The following ZNF429 variants were observed in gnomAD, a reference collection of about 807,000 sequenced individuals.
ZNF429 encodes the protein zinc finger protein 429.
In ZNF429, 53 loss-of-function variants were observed where a neutral mutation model predicts 56.8. The ratio of observed to expected loss-of-function variants is 0.93; its 90% CI spans 0.75 to 1.17. The LOEUF is 1.17. Ranked by LOEUF, ZNF429 falls within the 50% of genes most tolerant of loss-of-function variation. ZNF429 has a pLI of 0.00. For missense variants in ZNF429, 849 were observed against 788.4 expected, an observed-to-expected ratio of 1.08 and a Z score of -0.92; for synonymous variants, 278 against 264.7, an observed-to-expected ratio of 1.05 and a Z score of -0.49.
At chr19:21,529,807 A>T in intron 2 of ZNF429, 23 bp downstream of exon 2, 2 of 1,405,702 alleles carry the variant, frequency 1.4e-6, no homozygotes, top group Non-Finnish European at 2.0e-6. Context: ...TCAATACAAC[A>T]TTCCTAATAT....
rs532407132 is a variant in ZNF429, at chr19:21,530,678, C to T, written c.220C>T (p.Pro74Ser). Residue 74 changes from proline (P) to serine (S), a missense_variant, in exon 3 of 4, where the codon CCC (proline) becomes TCC (serine). Transcript: ENST00000358491. ...GAAGCGACATGAAATGGTGGATGAA[C>T]CCCCAGGTAGGTGAGAGTGAACACA... Reference protein sequence around the residue: ...KMKRHEMVDEPPVVCSHFAED... With the variant: ...KMKRHEMVDESPVVCSHFAED... 9.3e-6 allele frequency: 15 copies of T among 1,606,196 alleles called. No homozygotes were observed. The highest frequency in any genetic ancestry group is 1.2e-5 in the Non-Finnish European group (14 of 1,175,294).
At chr19:21,517,796 C>CTT (rs777982396) in intron 1 of ZNF429, among the ~76,000 whole-genome samples, 3,032 of 106,386 alleles carry the variant, frequency 0.029, 127 homozygotes, top group African/African-American at 0.093. Flanking sequence ...TTGTCATTTC[C>CTT]TTTTTTTTTT....
At chr19:21,534,870 C>G in intron 3 of ZNF429, among the ~76,000 whole-genome samples, 4 of 149,570 alleles carry the variant, frequency 2.7e-5, no homozygotes, top group African/African-American at 9.9e-5. Flanking sequence ...AGTGCAGTGG[C>G]GTGATCTCGG....
Position 21,536,670 on chromosome 19 carries a change from T to A in ZNF429, c.617T>A (p.Phe206Tyr), listed in dbSNP as rs373059676. The A allele has an allele frequency of 6.2e-7, 1 of 1,613,846 alleles. No homozygotes were observed. Among genetic ancestry groups the A allele is most frequent in the Non-Finnish European group, 8.5e-7 (1 of 1,179,898 alleles). ...GAGAATACCTACAGATGTAAAGAATTTGGCAATGCCTTTAATCAGTCCTCA... is the reference window on the plus strand; with the variant it reads ...GAGAATACCTACAGATGTAAAGAATATGGCAATGCCTTTAATCAGTCCTCA... ...IRENTYRCKE[F>Y]GNAFNQSSAL... The change falls in exon 4 of 4, where the codon TTT becomes TAT. Residue 206 changes from phenylalanine (F) to tyrosine (Y), a missense_variant. Coordinates refer to ENST00000358491, the MANE Select transcript of ZNF429 (RefSeq NM_001001415.4).
rs1386924412 is a variant in ZNF429 at position 21,539,068 on chromosome 19, C to T, written c.*990C>T. Among the ~76,000 whole-genome samples, 1 of 151,542 alleles carries T rather than the reference C, an allele frequency of 6.6e-6. No individual in the cohort carries two copies. Among genetic ancestry groups the T allele is most frequent in the Non-Finnish European group, 1.5e-5 (1 of 67,932 alleles). ...ATAAATTTGGAAAAACTTTTTTTTCCCCAAAAACTATACCTCAGGAAACAA... is the reference window on the plus strand; with the variant it reads ...ATAAATTTGGAAAAACTTTTTTTTCTCCAAAAACTATACCTCAGGAAACAA... On this transcript the variant is annotated 3_prime_UTR_variant, in exon 4 of 4. Coordinates refer to ENST00000358491, the MANE Select transcript of ZNF429 (RefSeq NM_001001415.4).
intron 1 of ZNF429, among the ~76,000 whole-genome samples, chr19:21,511,116 G>A (rs1048923617): frequency 2.6e-5 from 4 of 152,206 alleles, no homozygotes; most frequent in Non-Finnish European, 5.9e-5. Flanking sequence ...AGACGGGGTG[G>A]TGGCCGGGCA....
intron 1 of ZNF429, among the ~76,000 whole-genome samples, chr19:21,528,779 T>TC (rs1285115989): frequency 2.0e-5 from 3 of 152,170 alleles, no homozygotes; most frequent in Non-Finnish European, 4.4e-5. Flanking sequence ...TGATGTTTCT[T>TC]TATGGTTAAA....
intron 1 of ZNF429, among the ~76,000 whole-genome samples, chr19:21,523,389 A>G (rs1230846466): frequency 6.6e-6 from 1 of 152,238 alleles, no homozygotes; most frequent in Non-Finnish European, 1.5e-5. Context: ...CATTTGCACC[A>G]ACCTAATAGT....
intron 1 of ZNF429, among the ~76,000 whole-genome samples, chr19:21,511,293 G>A (rs892212953): frequency 2.4e-4 from 36 of 152,036 alleles, no homozygotes; most frequent in South Asian, 2.1e-4. Context: ...GGTGGCTGCC[G>A]GGCGGAGACG....
At chr19:21,530,860 C>A in intron 3 of ZNF429, among the ~76,000 whole-genome samples, 176 bp downstream of exon 3, 2 of 152,104 alleles carry the variant, frequency 1.3e-5, no homozygotes, top group East Asian at 3.8e-4. Context: ...AATCCCAGCA[C>A]TTTGGGAGGC....
chr19:21,516,500 A>C (rs1167035761), intron 1 of ZNF429, among the ~76,000 whole-genome samples: 1 of 152,182 alleles, frequency 6.6e-6, no homozygotes, highest in East Asian at 1.9e-4. Flanking sequence ...AGTTTGATAG[A>C]AATGGCATTA....
chr19:21,514,330 G>T (rs189480618), intron 1 of ZNF429, among the ~76,000 whole-genome samples: 1 of 152,140 alleles, frequency 6.6e-6, no homozygotes, highest in East Asian at 1.9e-4. Flanking sequence ...TATTCTCTTT[G>T]TCCTCCTACC....
Position 21,538,747 on chromosome 19 carries a change from A to T in ZNF429, c.*669A>T, listed in dbSNP as rs1266613144. The stretch of plus-strand genomic sequence containing the variant: ...TACCTGAAAAAAGGTATACAAATTT[A>T]AAAAATGTGGAAAAGCCATTAAAAT... On this transcript the variant is annotated 3_prime_UTR_variant, in exon 4 of 4. Coordinates refer to ENST00000358491, the MANE Select transcript of ZNF429 (RefSeq NM_001001415.4). The T allele has an allele frequency of 2.0e-5, 3 of 152,254 alleles. No individual in the cohort carries two copies. Among genetic ancestry groups the T allele is most frequent in the East Asian group, 3.8e-4 (2 of 5,208 alleles). 9.4% of individuals were successfully genotyped at this position (152,254 alleles called of 1,614,324 possible).
At chr19:21,517,263 C>A (rs2032787745) in intron 1 of ZNF429, among the ~76,000 whole-genome samples, 1 of 152,076 alleles carries the variant, frequency 6.6e-6, no homozygotes, top group African/African-American at 2.4e-5. Flanking sequence ...TATGTTGAAC[C>A]CACCTTGCAT....
chr19:21,529,640 G>C lies in ZNF429; in HGVS notation c.4-18G>C, dbSNP rs77074124. The C allele has an allele frequency of 6.6e-7, 1 of 1,509,560 alleles. No homozygotes were observed. The highest frequency in any genetic ancestry group is 8.9e-7 in the Non-Finnish European group (1 of 1,125,772). The allele number at this position is 1,509,560 out of a possible 1,614,324, so 93.5% of individuals were successfully genotyped here. On this transcript the variant is annotated intron_variant, in intron 1 of 3. Coordinates refer to ENST00000358491, the MANE Select transcript of ZNF429 (RefSeq NM_001001415.4). ...CTCTCTCTTTCTCTCTCCTTCTGTT[G>C]GTGTGTGTGTGTTTCAGGGACCATT...
At chr19:21,517,111 C>T (rs1319228750) in intron 1 of ZNF429, among the ~76,000 whole-genome samples, 3 of 152,146 alleles carry the variant, frequency 2.0e-5, no homozygotes, top group Non-Finnish European at 4.4e-5. Flanking sequence ...GAAGTATGTA[C>T]CTTCAATGCC....
Position 21,537,565 on chromosome 19 carries a change from T to C in ZNF429, c.1512T>C (p.Ser504=), listed in dbSNP as rs1373332329. 3 of 1,613,568 alleles carry C rather than the reference T, an allele frequency of 1.9e-6. No individual in the cohort carries two copies. The African/African-American group carries it at 4.0e-5, about 22-fold the overall frequency. Residue 504 remains serine, a synonymous_variant, in exon 4 of 4, where the codon AGT becomes AGC. Transcript: ENST00000358491. ...TTAACAGTCATAAAAAAATTCATAG[T>C]GGAGAGAAACCCTACAAATGTGAAG... ...SNLNSHKKIH[S]GEKPYKCEEC...
intron 1 of ZNF429, among the ~76,000 whole-genome samples, chr19:21,515,274 G>C (rs1026822672): frequency 7.0e-6 from 1 of 142,716 alleles, no homozygotes; most frequent in Non-Finnish European, 1.5e-5. Context: ...TTTTATAGTA[G>C]CCATTCTGAC....
chr19:21,525,848 A>C (rs924741895), intron 1 of ZNF429, among the ~76,000 whole-genome samples: 9 of 152,286 alleles, frequency 5.9e-5, no homozygotes, highest in Non-Finnish European at 1.2e-4. Flanking sequence ...ATTTTTTAAA[A>C]ATCAATGACA....
Sources: gnomAD v4.1 joint callset for allele counts (sites outside exome capture counted in the v4.1 genomes callset) on GRCh38, gnomAD v4.1.1 for gene constraint, MANE v1.5 for transcripts, NCBI Gene and HGNC (gene_info 2026-07-23, HGNC 2026-07-21) for gene names.